Variants in TTC23 observed in about 807,000 individuals in gnomAD.
The protein encoded by TTC23 is tetratricopeptide repeat protein 23.
Under a neutral mutation model 55.1 loss-of-function variants are expected in TTC23, and 58 were observed. That is an observed-to-expected ratio of 1.05 (90% CI 0.85 to 1.31). The LOEUF (loss-of-function observed/expected upper bound fraction) is 1.31. Among genes scored for constraint, TTC23 ranks in the 50% most tolerant of loss-of-function variants. The pLI, the probability that TTC23 is intolerant of heterozygous loss-of-function variation, is 0.00. For missense variants in TTC23, 516 were observed against 534.4 expected (o/e 0.97, Z 0.34); for synonymous variants, 203 against 199.9 (o/e 1.02, Z -0.13).
At chr15:99,206,827 TA>T (rs1021436216) in intron 8 of TTC23, among the ~76,000 whole-genome samples, 2 of 152,160 alleles carry the variant, frequency 1.3e-5, no homozygotes, top group African/African-American at 2.4e-5. Flanking sequence ...GGATTTTTAT[TA>T]TTTTTTTATC....
chr15:99,222,035 G>T (rs2077982020), intron 5 of TTC23, among the ~76,000 whole-genome samples, 171 bp from the exon 6 acceptor site: 2 of 152,072 alleles, frequency 1.3e-5, no homozygotes, highest in Admixed American at 6.6e-5. Flanking sequence ...GATCTATTTG[G>T]GGTGGTAGCA....
At chr15:99,170,444 A>G (rs1226571105) in intron 10 of TTC23, among the ~76,000 whole-genome samples, 2 of 152,302 alleles carry the variant, frequency 1.3e-5, no homozygotes, top group Admixed American at 6.5e-5. Context: ...AAGTCTTTGT[A>G]CCCCGTACAA....
chr15:99,165,143 C>T (rs895663780), intron 10 of TTC23, among the ~76,000 whole-genome samples: 7 of 152,172 alleles, frequency 4.6e-5, no homozygotes, highest in African/African-American at 1.7e-4. Flanking sequence ...TATGGGTCCC[C>T]ATACTAGGCT....
chr15:99,244,588 G>T (rs930240177), intron 2 of TTC23, among the ~76,000 whole-genome samples: 8 of 152,004 alleles, frequency 5.3e-5, no homozygotes, highest in African/African-American at 1.9e-4. Flanking sequence ...TTTAACAAAA[G>T]AAATACAAGA....
At chr15:99,250,553 T>G (rs553841316), upstream of TTC23, among the ~76,000 whole-genome samples, 2 of 152,300 alleles carry the variant, frequency 1.3e-5, no homozygotes, top group Admixed American at 6.5e-5. Context: ...AGAAGGAAAT[T>G]TGTCATATTA....
At chr15:99,180,334 G>C (rs1416192370) in intron 9 of TTC23, among the ~76,000 whole-genome samples, 2 of 151,412 alleles carry the variant, frequency 1.3e-5, no homozygotes, top group African/African-American at 2.4e-5. Flanking sequence ...CATTGAACAA[G>C]GTCATTAATT....
At chr15:99,235,538 T>C (rs1267816975) in intron 3 of TTC23, among the ~76,000 whole-genome samples, 24 of 151,882 alleles carry the variant, frequency 1.6e-4, no homozygotes, top group Non-Finnish European at 2.9e-4. Context: ...GCCCAGCTAA[T>C]TTTTTTGTAT....
chr15:99,165,289 A>G (rs150587258), intron 10 of TTC23, among the ~76,000 whole-genome samples: 1 of 152,364 alleles, frequency 6.6e-6, no homozygotes, highest in African/African-American at 2.4e-5. Flanking sequence ...CTTTGCAGAT[A>G]AACAGCCCTG....
intron 8 of TTC23, among the ~76,000 whole-genome samples, chr15:99,200,758 A>G (rs2076134795): frequency 6.6e-6 from 1 of 152,204 alleles, no homozygotes; most frequent in Admixed American, 6.5e-5. Context: ...CAGGGCAAGA[A>G]GATATATATA....
At chr15:99,170,268 G>A (rs748529654) in intron 10 of TTC23, among the ~76,000 whole-genome samples, 14 of 152,162 alleles carry the variant, frequency 9.2e-5, no homozygotes, top group African/African-American at 1.9e-4. Flanking sequence ...CTTGTGCGTC[G>A]AGACTGAAAC....
Position 99,138,025 on chromosome 15 carries a change from G to T in TTC23, c.1329C>A (p.Gly443=), listed in dbSNP as rs1472333379. The change falls in exon 14 of 14, where the codon GGC becomes GGA. Residue 443 remains glycine (G), a synonymous_variant. Coordinates refer to ENST00000394132, the MANE Select transcript of TTC23 (RefSeq NM_001288615.3). ...GGTGGGGGCCTCAGTCTGCTGTTGT[G>T]CCGGGCCGGGCCTTCCCCAGCAGGG... is the stretch of plus-strand genomic sequence containing the variant. ...QDTLLGKARP[G]TTAD is the part of the protein sequence containing the mutation. 1 of 1,614,096 alleles carries T rather than the reference G, an allele frequency of 6.2e-7. No homozygotes were observed. Among genetic ancestry groups the T allele is most frequent in the Non-Finnish European group, 8.5e-7 (1 of 1,179,994 alleles).
At chr15:99,225,126 G>A (rs1407341578) in intron 5 of TTC23, among the ~76,000 whole-genome samples, 1 of 152,182 alleles carries the variant, frequency 6.6e-6, no homozygotes, top group Admixed American at 6.5e-5. Flanking sequence ...GACGGTGCAG[G>A]CTGAGTTGGG....
Position 99,175,939 on chromosome 15 carries a change from G to A in TTC23, c.760-784C>T, listed in dbSNP as rs1396552355. Among the ~76,000 whole-genome samples, 4 of 152,286 alleles carry A rather than the reference G, an allele frequency of 2.6e-5. No homozygotes were observed. The East Asian group carries it at 7.7e-4, about 29-fold the overall frequency. On this transcript the variant is annotated intron_variant, in intron 9 of 13. Coordinates refer to ENST00000394132, the MANE Select transcript of TTC23 (RefSeq NM_001288615.3). ...GAACCTGGGAGGTGGAGGTTGCAGT[G>A]GGCCGAGATTGCACCACTGCACTCT...
chr15:99,148,610 T>C (rs1555495295), intron 12 of TTC23: 1 of 152,114 alleles, frequency 6.6e-6, no homozygotes, highest in Non-Finnish European at 1.5e-5. Flanking sequence ...AGATGATGAC[T>C]GGACCCAAAT....
At chr15:99,235,824 C>A (rs771398504) in intron 3 of TTC23, among the ~76,000 whole-genome samples, 1 of 152,228 alleles carries the variant, frequency 6.6e-6, no homozygotes, top group Non-Finnish European at 1.5e-5. Context: ...CCCCTACCCT[C>A]CACCTCTGGC....
At chr15:99,209,084 C>T (rs556636437) in intron 8 of TTC23, among the ~76,000 whole-genome samples, 22 of 152,290 alleles carry the variant, frequency 1.4e-4, no homozygotes, top group East Asian at 5.8e-4. Context: ...AAAGTTTATA[C>T]GCAGTAATTC....
chr15:99,171,806 G>A (rs1040522622), intron 10 of TTC23, among the ~76,000 whole-genome samples: 3 of 151,804 alleles, frequency 2.0e-5, no homozygotes, highest in African/African-American at 7.3e-5. Flanking sequence ...TCTTGACCTC[G>A]TGATCCACCC....
chr15:99,237,830 A>G (rs1004534780), intron 3 of TTC23, among the ~76,000 whole-genome samples: 1 of 152,222 alleles, frequency 6.6e-6, no homozygotes, highest in Non-Finnish European at 1.5e-5. Flanking sequence ...GCCAATTAAT[A>G]AAACTGCTAA....
rs79039949 is a variant in TTC23 at position 99,183,969 on chromosome 15, C to T, written c.760-8814G>A. Among the ~76,000 whole-genome samples, 260 of 152,232 alleles carry T rather than the reference C, an allele frequency of 1.7e-3. 5 individuals are homozygous for T. The East Asian group carries it at 0.041, about 24-fold the overall frequency. On this transcript the variant is annotated intron_variant, in intron 9 of 13. Transcript: ENST00000394132. ...TCGGTGCCTTGCTTTTTGCTCCAGC[C>T]ATGGCTAGAAGGGGCAAAGGTACAG... is the stretch of plus-strand genomic sequence containing the variant.
Sources: allele counts gnomAD v4.1 joint callset (sites outside exome capture counted in the v4.1 genomes callset), GRCh38; gene constraint gnomAD v4.1.1; transcripts MANE v1.5; gene names NCBI Gene and HGNC (gene_info 2026-07-23, HGNC 2026-07-21).